The following NBEAL2 variants were observed in gnomAD, a reference collection of about 807,000 sequenced individuals.
NBEAL2 encodes neurobeachin-like protein 2.
In NBEAL2, 160 loss-of-function variants were observed where a neutral mutation model predicts 299.8. The observed-to-expected ratio is 0.53, with a 90% CI of 0.47 to 0.61. NBEAL2 has a LOEUF of 0.61. Ranked by LOEUF, NBEAL2 falls within the 20% of genes least tolerant of loss-of-function variation. NBEAL2 has a pLI of 0.00. For missense variants in NBEAL2, 3,112 were observed against 3,649.0 expected (o/e 0.85, Z 3.79); for synonymous variants, 1,493 against 1,542.3 (o/e 0.97, Z 0.75).
intron 10 of NBEAL2, among the ~76,000 whole-genome samples, chr3:46,993,254 G>A (rs2036237760): frequency 6.6e-6 from 1 of 152,224 alleles, no homozygotes; most frequent in Admixed American, 6.5e-5. Flanking sequence ...GGGGAGGACT[G>A]ATGCCTTAGG....
rs748749685 is a variant in NBEAL2 at position 47,002,681 on chromosome 3, C to T, written c.5338C>T (p.Leu1780=). 2.5e-6 allele frequency: 4 copies of T among 1,606,184 alleles called. No individual in the cohort carries two copies. Among genetic ancestry groups the T allele is most frequent in the Admixed American group, 1.7e-5 (1 of 59,122 alleles). ...VLEPAQRRAR[L]EGLRYTAVLK... ...GGAACCTGCGCAGAGGCGGGCGCGC[C>T]TGGAGGGGCTACGCTACACGGCAGT... Residue 1780 remains leucine (L), a synonymous_variant, in exon 33 of 54, where the codon CTG becomes TTG. Transcript: ENST00000450053.
In NBEAL2 at chr3:46,999,097, C is replaced by G. The variant is rs1193803907; in HGVS notation, c.3523C>G (p.Leu1175Val). 6.3e-7 allele frequency: 1 copy of G among 1,584,844 alleles called. No homozygotes were observed. The highest frequency in any genetic ancestry group is 1.8e-5 in the Admixed American group (1 of 57,000). Reference protein sequence around the residue: ...LLVRPGSLPLLPDRVCKILRR... With the variant: ...LLVRPGSLPLVPDRVCKILRR... Reference sequence around the variant, plus strand: ...AGTGCGGCCAGGGTCACTGCCCCTGCTGCCCGATCGAGTCTGCAAGGTACA... The same window carrying G: ...AGTGCGGCCAGGGTCACTGCCCCTGGTGCCCGATCGAGTCTGCAAGGTACA... Residue 1175 changes from leucine to valine, a missense_variant, in exon 24 of 54, where the codon CTG becomes GTG. Leu to Val is a conservative substitution (Grantham distance 32). Around this residue, in one of 3 missense-constraint regions of NBEAL2, gnomAD observed 2,243 missense variants for 2,538.1 expected, o/e 0.88. Coordinates refer to ENST00000450053, the MANE Select transcript of NBEAL2 (RefSeq NM_015175.3).
rs754357037 is a variant in NBEAL2 at position 46,997,038 on chromosome 3, G to A, written c.2641G>A (p.Asp881Asn). The A allele has an allele frequency of 2.5e-6, 4 of 1,612,862 alleles. No individual in the cohort carries two copies. Among genetic ancestry groups the A allele is most frequent in the Non-Finnish European group, 2.5e-6 (3 of 1,179,370 alleles). The change falls in exon 18 of 54, where the codon GAT becomes AAT. Residue 881 changes from aspartate to asparagine, a missense_variant. Coordinates refer to ENST00000450053, the MANE Select transcript of NBEAL2 (RefSeq NM_015175.3). ...RLTGHRVETW[D>N]VKDVVNCVGG... ...GACGGGCCACAGAGTGGAGACCTGG[G>A]ATGTGAAGGTCTGTGAGCACGTGTG...
Position 46,993,933 on chromosome 3 carries a change from C to T in NBEAL2, c.1114-4C>T, listed in dbSNP as rs2036285881. ...CTCTCCTGATGGCCCCTCCCCACCC[C>T]AAGGTCCTGGACCAAGACACAGACG... On this transcript the variant is annotated splice_polypyrimidine_tract_variant and splice_region_variant and intron_variant, in intron 10 of 53. Coordinates refer to ENST00000450053, the MANE Select transcript of NBEAL2 (RefSeq NM_015175.3). 1 of 1,608,356 alleles carries T rather than the reference C, an allele frequency of 6.2e-7. No individual in the cohort carries two copies. The highest frequency in any genetic ancestry group is 1.7e-5 in the Admixed American group (1 of 59,456).
Position 46,999,500 on chromosome 3 carries a change from AG to A in NBEAL2, c.3703+31del, listed in dbSNP as rs776423326. 13 of 1,580,952 alleles carry A rather than the reference AG, an allele frequency of 8.2e-6. No homozygotes were observed. In the Admixed American group the frequency reaches 2.3e-4, roughly 28 times the overall value. On this transcript the variant is annotated intron_variant, in intron 25 of 53. Transcript: ENST00000450053. Reference sequence around the variant, plus strand: ...GTACAACCTGGTTAAGGCCAAGTGGAGGGGGTGACATGTCAGAAAAACAGGG... The same window carrying A: ...GTACAACCTGGTTAAGGCCAAGTGGAGGGGTGACATGTCAGAAAAACAGGG...
chr3:46,980,762 ATAG>A lies in NBEAL2; in HGVS notation c.51+852_51+854del, dbSNP rs139077534. Among the ~76,000 whole-genome samples, 23 of 152,222 alleles carry A rather than the reference ATAG, an allele frequency of 1.5e-4. No homozygotes were observed. The East Asian group carries it at 4.4e-3, about 29-fold the overall frequency. ...GTATCACTCACACCGTCTCACACACATAGTCCCCCATTTTCCTTCTGTACCCAC... is the reference window on the plus strand; with the variant it reads ...GTATCACTCACACCGTCTCACACACATCCCCCATTTTCCTTCTGTACCCAC... On this transcript the variant is annotated intron_variant, in intron 1 of 53. Coordinates refer to ENST00000450053, the MANE Select transcript of NBEAL2 (RefSeq NM_015175.3).
At position 46,979,714 on chromosome 3, in the gene NBEAL2, C is replaced by G; in HGVS notation, c.-148C>G. 6.5e-6 allele frequency: 2 copies of G among 308,498 alleles called. No homozygotes were observed. The highest frequency in any genetic ancestry group is 1.2e-5 in the Non-Finnish European group (2 of 167,582). The allele number at this position is 308,498 out of a possible 1,614,324, so 19.1% of individuals were successfully genotyped here. A position where few individuals can be genotyped will look rare whatever the true frequency, so the allele number is the denominator to read the frequency against. ...CTTGGGTGGCTCTGCGCCGCGGAGG[C>G]CACAGCCGCAGACTTCCCCAGTAGT... On this transcript the variant is annotated 5_prime_UTR_variant, in exon 1 of 54. Transcript: ENST00000450053.
At position 46,999,436 on chromosome 3, in the gene NBEAL2, A is replaced by C. The variant is rs750541657; in HGVS notation, c.3665A>C (p.Gln1222Pro). ...ACLPEGTVSP[Q>P]LCQGLYKLFL... ...TTGCCTGAGGGGACTGTTTCCCCCC[A>C]GCTCTGCCAGGGCCTCTACAAGCTG... The change falls in exon 25 of 54, where the codon CAG (glutamine) becomes CCG (proline). Residue 1222 changes from glutamine to proline, a missense_variant. By Grantham distance (76) the Gln-to-Pro change is moderately conservative. This residue lies in a region of NBEAL2 where 2,243 missense variants were observed against 2,538.1 expected (regional missense o/e 0.88). Transcript: ENST00000450053. 1.8e-5 allele frequency: 28 copies of C among 1,585,476 alleles called. No individual in the cohort carries two copies. The African/African-American group carries it at 3.6e-4, about 21-fold the overall frequency.
In NBEAL2 at chr3:46,999,048, C is replaced by T; in HGVS notation, c.3474C>T (p.Asn1158=). 1 of 1,597,242 alleles carries T rather than the reference C, an allele frequency of 6.3e-7. No individual in the cohort carries two copies. The highest frequency in any genetic ancestry group is 8.5e-7 in the Non-Finnish European group (1 of 1,172,288). ...CTGTCTTTCTGTTGGAGCCAGGGAA[C>T]CTCGAAGTGCTACTGGCCCTGCTAG... is the stretch of plus-strand genomic sequence containing the variant. ...SLAVFLLEPG[N]LEVLLALLVR... Residue 1158 remains asparagine (N), a synonymous_variant, in exon 24 of 54, where the codon AAC becomes AAT. Coordinates refer to ENST00000450053, the MANE Select transcript of NBEAL2 (RefSeq NM_015175.3).
chr3:46,983,322 T>TC (rs963594558), intron 1 of NBEAL2, among the ~76,000 whole-genome samples: 1 of 150,766 alleles, frequency 6.6e-6, no homozygotes, highest in African/African-American at 2.4e-5. Flanking sequence ...TTTTTTTTTT[T>TC]TTTTTTAGAC....
Position 46,998,963 on chromosome 3 carries a change from T to C in NBEAL2, c.3389T>C (p.Val1130Ala). The C allele has an allele frequency of 6.2e-7, 1 of 1,606,616 alleles. No homozygotes were observed. Residue 1130 changes from valine (V) to alanine (A), a missense_variant, in exon 24 of 54, where the codon GTG becomes GCG. Physicochemically the swap from Val to Ala is moderately conservative, Grantham distance 64 (BLOSUM62 0). Around this residue, in one of 3 missense-constraint regions of NBEAL2, gnomAD observed 2,243 missense variants for 2,538.1 expected, o/e 0.88. Coordinates refer to ENST00000450053, the MANE Select transcript of NBEAL2 (RefSeq NM_015175.3). ...TGTGAGACCCTGCATCCCCAGGCGGTGGGTGCGCTGGACCTGCTGCTGGCC... is the reference window on the plus strand; with the variant it reads ...TGTGAGACCCTGCATCCCCAGGCGGCGGGTGCGCTGGACCTGCTGCTGGCC... ...LAATGDDGQA[V>A]GALDLLLALL...
At chr3:46,985,121 CAA>C (rs2035597430) in intron 1 of NBEAL2, among the ~76,000 whole-genome samples, 1 of 152,182 alleles carries the variant, frequency 6.6e-6, no homozygotes, top group Non-Finnish European at 1.5e-5. Flanking sequence ...GCAGAGCAAA[CAA>C]GAGCAAAGCA....
At position 46,998,126 on chromosome 3, in the gene NBEAL2, G is replaced by T; in HGVS notation, c.3018G>T (p.Gln1006His). 5 of 1,590,774 alleles carry T rather than the reference G, an allele frequency of 3.1e-6. No homozygotes were observed. Among genetic ancestry groups the T allele is most frequent in the Non-Finnish European group, 4.3e-6 (5 of 1,168,618 alleles). Residue 1006 changes from glutamine to histidine, a missense_variant, in exon 21 of 54, where the codon CAG becomes CAT. Gln to His is a conservative substitution (Grantham distance 24). Around this residue, in one of 3 missense-constraint regions of NBEAL2, gnomAD observed 2,243 missense variants for 2,538.1 expected, o/e 0.88. Transcript: ENST00000450053. ...VLMSAQLLME[Q>H]VAAEGSGPLL... The stretch of plus-strand genomic sequence containing the variant: ...TGTCCGCCCAGCTGCTGATGGAGCA[G>T]GTGGCAGCTGAGGGCAGCGGGCCCC...
In NBEAL2 at chr3:46,989,675, A is replaced by C; in HGVS notation, c.556+82A>C. On this transcript the variant is annotated intron_variant, in intron 6 of 53. Coordinates refer to ENST00000450053, the MANE Select transcript of NBEAL2 (RefSeq NM_015175.3). This position sits in a 1 kb window ranked among gnomAD's most constrained non-coding sequence, Gnocchi z 5.5. Reference sequence around the variant, plus strand: ...GTCGTTCCTTGATCCTGCCATACACAGGAACCACTTGGTGGTGGCTGCATG... The same window carrying C: ...GTCGTTCCTTGATCCTGCCATACACCGGAACCACTTGGTGGTGGCTGCATG... 7.9e-7 allele frequency: 1 copy of C among 1,258,130 alleles called. No homozygotes were observed. The highest frequency in any genetic ancestry group is 1.3e-5 in the South Asian group (1 of 78,076). The allele number at this position is 1,258,130 out of a possible 1,614,324, so 77.9% of individuals were successfully genotyped here.
chr3:46,991,304 G>T lies in NBEAL2; in HGVS notation c.642G>T (p.Lys214Asn). The T allele has an allele frequency of 6.3e-7, 1 of 1,599,758 alleles. No individual in the cohort carries two copies. ...HLFCAVLAGG[K>N]ENGQMAVSDG... ...TCTGCGCCGTCCTCGCTGGAGGAAA[G>T]GTAGGCTGGGAGGTGAGCCTGTGGA... The change falls in exon 7 of 54, where the codon AAG (lysine) becomes AAT (asparagine). Residue 214 changes from lysine (K) to asparagine (N), a missense_variant and splice_region_variant. By Grantham distance (94) the Lys-to-Asn change is moderately conservative. Transcript: ENST00000450053. The surrounding 1 kb of genome is among the most constrained non-coding windows in gnomAD (Gnocchi z 6.2).
intron 1 of NBEAL2, among the ~76,000 whole-genome samples, chr3:46,983,022 C>A (rs2035451398): frequency 6.6e-6 from 1 of 152,142 alleles, no homozygotes; most frequent in African/African-American, 2.4e-5. Context: ...AGCAACCCCT[C>A]CAGTGAATGG....
Position 46,991,420 on chromosome 3 carries a change from G to T in NBEAL2, c.657G>T (p.Met219Ile), listed in dbSNP as rs568018331. The T allele has an allele frequency of 2.5e-6, 4 of 1,606,672 alleles. No individual in the cohort carries two copies. The African/African-American group carries it at 5.3e-5, about 21-fold the overall frequency. ...VLAGGKENGQMAVSDGSVKGL... is the reference protein window; with the variant it reads ...VLAGGKENGQIAVSDGSVKGL... ...CACACCTGCAGGAGAACGGGCAGAT[G>T]GCTGTAAGTGATGGCTCTGTGAAGG... The change falls in exon 8 of 54, where the codon ATG (methionine) becomes ATT (isoleucine). Residue 219 changes from methionine (M) to isoleucine (I), a missense_variant. This residue lies in a region of NBEAL2 where 2,243 missense variants were observed against 2,538.1 expected (regional missense o/e 0.88). Coordinates refer to ENST00000450053, the MANE Select transcript of NBEAL2 (RefSeq NM_015175.3). This position sits in a 1 kb window ranked among gnomAD's most constrained non-coding sequence, Gnocchi z 6.2.
intron 26 of NBEAL2, 33 bp downstream of exon 26, chr3:46,999,748 G>A: frequency 6.2e-7 from 1 of 1,602,650 alleles, no homozygotes; most frequent in Admixed American, 1.7e-5. Context: ...TTGGGGGAGG[G>A]GGAGGGTGGC....
In NBEAL2 at chr3:47,001,816, A is replaced by C. The variant is rs1324690641; in HGVS notation, c.4772A>C (p.Glu1591Ala). 1 of 1,613,758 alleles carries C rather than the reference A, an allele frequency of 6.2e-7. No homozygotes were observed. The highest frequency in any genetic ancestry group is 2.2e-5 in the East Asian group (1 of 44,886). Residue 1591 changes from glutamate (E) to alanine (A), a missense_variant, in exon 30 of 54, where the codon GAA (glutamate) becomes GCA (alanine). By Grantham distance (107) the Glu-to-Ala change is moderately radical. Around this residue, in one of 3 missense-constraint regions of NBEAL2, gnomAD observed 2,243 missense variants for 2,538.1 expected, o/e 0.88. Coordinates refer to ENST00000450053, the MANE Select transcript of NBEAL2 (RefSeq NM_015175.3). This position sits in a 1 kb window ranked among gnomAD's most constrained non-coding sequence, Gnocchi z 6.1. ...CTTGTACTTGGCTACATCCTGCTGG[A>C]AGACCCACAGGTGAGCACAGGGTGA... is the stretch of plus-strand genomic sequence containing the variant. ...LRLVLGYILL[E>A]DPQLHAQAYV...
Sources: gnomAD v4.1 joint callset for allele counts (sites outside exome capture counted in the v4.1 genomes callset) on GRCh38, gnomAD v4.1.1 for gene constraint, gnomAD v4.1.1 regional missense constraint, Gnocchi (gnomAD v3.1) non-coding constraint, MANE v1.5 for transcripts, NCBI Gene and HGNC (gene_info 2026-07-23, HGNC 2026-07-21) for gene names.